CRYGN: variants seen among roughly 807,000 people sequenced by gnomAD.
CRYGN encodes the protein crystallin gamma N, also known as gamma-crystallin N.
Under a neutral mutation model 19.2 loss-of-function variants are expected in CRYGN, and 17 were observed. The observed-to-expected ratio is 0.89, with a 90% CI of 0.61 to 1.33. CRYGN has a LOEUF of 1.33. CRYGN is among the 40% of genes most tolerant of loss of function. The pLI, the probability that CRYGN is intolerant of heterozygous loss-of-function variation, is 0.00. For synonymous variants in CRYGN, 84 were observed against 85.8 expected, an observed-to-expected ratio of 0.98 and a Z score of 0.12; for missense variants, 239 against 239.6, an observed-to-expected ratio of 1.00 and a Z score of 0.02.
At position 151,436,359 on chromosome 7, in the gene CRYGN, A is replaced by ACCC; in HGVS notation, c.271-35_271-34insGGG. The ACCC allele has an allele frequency of 6.1e-6, 9 of 1,474,918 alleles. No individual in the cohort carries two copies. Among genetic ancestry groups the ACCC allele is most frequent in the South Asian group, 1.4e-5 (1 of 71,092 alleles). 91.4% of individuals were successfully genotyped at this position (1,474,918 alleles called of 1,614,324 possible). A position where few individuals can be genotyped will look rare whatever the true frequency, so the allele number is the denominator to read the frequency against. ...CCAAGCAAAAAAGAAGGAAAGAAGG[A>ACCC]GGTTGCTGTGAATTCCCCTCTCCCA... On this transcript the variant is annotated intron_variant, in intron 2 of 3. Coordinates refer to ENST00000337323, the MANE Select transcript of CRYGN (RefSeq NM_144727.3). The surrounding 1 kb of genome is among the most constrained non-coding windows in gnomAD (Gnocchi z 5.1).
chr7:151,436,170 C>T lies in CRYGN; in HGVS notation c.416+10G>A, dbSNP rs761776500. 1.4e-6 allele frequency: 2 copies of T among 1,462,536 alleles called. No individual in the cohort carries two copies. The highest frequency in any genetic ancestry group is 1.8e-6 in the Non-Finnish European group (2 of 1,099,118). 90.6% of individuals were successfully genotyped at this position (1,462,536 alleles called of 1,614,324 possible). A position where few individuals can be genotyped will look rare whatever the true frequency, so the allele number is the denominator to read the frequency against. On this transcript the variant is annotated intron_variant, in intron 3 of 3. Transcript: ENST00000337323. This position sits in a 1 kb window ranked among gnomAD's most constrained non-coding sequence, Gnocchi z 5.1. ...GGGCCTCGGGGTGCGGCCACGTGGC[C>T]TGTACTCACGCTCCGTCCCCGTACA... is the stretch of plus-strand genomic sequence containing the variant.
At position 151,436,396 on chromosome 7, in the gene CRYGN, C is replaced by T; in HGVS notation, c.271-71G>A. 7.0e-7 allele frequency: 1 copy of T among 1,423,246 alleles called. No individual in the cohort carries two copies. Among genetic ancestry groups the T allele is most frequent in the African/African-American group, 1.5e-5 (1 of 68,746 alleles). 88.2% of individuals were successfully genotyped at this position (1,423,246 alleles called of 1,614,324 possible). On this transcript the variant is annotated intron_variant, in intron 2 of 3. Coordinates refer to ENST00000337323, the MANE Select transcript of CRYGN (RefSeq NM_144727.3). This position sits in a 1 kb window ranked among gnomAD's most constrained non-coding sequence, Gnocchi z 5.1. ...ATTCCCCTCTCCCAGAAACAGAAGC[C>T]CCATGCAGGAAGGAATTAGGAGGTA...
Position 151,430,139 on chromosome 7 carries a change from A to C in CRYGN, c.458T>G (p.Leu153Arg). Residue 153 changes from leucine to arginine, a missense_variant, in exon 4 of 4, where the codon CTG becomes CGG. Leu to Arg is a moderately radical substitution (Grantham distance 102). Coordinates refer to ENST00000337323, the MANE Select transcript of CRYGN (RefSeq NM_144727.3). The surrounding 1 kb of genome is among the most constrained non-coding windows in gnomAD (Gnocchi z 5.2). ...PRSFGAEDFQ[L>R]SSSLQSDQGP... ...TTGATCTGATTGAAGAGAGCTGCTC[A>C]GCTGGAAGTCCTCAGCTCCGAAGCT... The C allele has an allele frequency of 6.2e-7, 1 of 1,613,658 alleles. No individual in the cohort carries two copies. Among genetic ancestry groups the C allele is most frequent in the Non-Finnish European group, 8.5e-7 (1 of 1,179,552 alleles).
intron 3 of CRYGN, among the ~76,000 whole-genome samples, chr7:151,432,875 G>A (rs1234250319): frequency 6.6e-6 from 1 of 152,208 alleles, no homozygotes; most frequent in Non-Finnish European, 1.5e-5. Flanking sequence ...CCCAGCACCT[G>A]GTGGGGGGCC....
chr7:151,437,437 C>T (rs1801644013), intron 2 of CRYGN, among the ~76,000 whole-genome samples: 1 of 152,254 alleles, frequency 6.6e-6, no homozygotes, highest in Non-Finnish European at 1.5e-5. Flanking sequence ...CCGAAACAGT[C>T]TTTCGCCACC....
chr7:151,430,213 G>A lies in CRYGN; in HGVS notation c.417-33C>T. The A allele has an allele frequency of 6.2e-7, 1 of 1,611,784 alleles. No homozygotes were observed. The highest frequency in any genetic ancestry group is 1.1e-5 in the South Asian group (1 of 90,974). ...TTGCAGGTGAAAGGAGGTGGGGCCA[G>A]GGCATTAGGGGTACAGAGCAGGCCT... On this transcript the variant is annotated intron_variant, in intron 3 of 3. Transcript: ENST00000337323. This position sits in a 1 kb window ranked among gnomAD's most constrained non-coding sequence, Gnocchi z 5.2.
At chr7:151,432,757 T>C (rs1584822848) in intron 3 of CRYGN, among the ~76,000 whole-genome samples, 1 of 152,142 alleles carries the variant, frequency 6.6e-6, no homozygotes, top group Non-Finnish European at 1.5e-5. Context: ...TGAGCCGAGA[T>C]TGCGCCACTG....
chr7:151,433,028 G>A lies in CRYGN; in HGVS notation c.417-2848C>T, dbSNP rs1202853626. ...CCCTCACGGGGCCTCCCCTGCAGAG[G>A]AAATGGGCTGTGGGGGTGCAGTTGC... is the stretch of plus-strand genomic sequence containing the variant. On this transcript the variant is annotated intron_variant, in intron 3 of 3. Coordinates refer to ENST00000337323, the MANE Select transcript of CRYGN (RefSeq NM_144727.3). The surrounding 1 kb of genome is among the most constrained non-coding windows in gnomAD (Gnocchi z 5.1). 2.6e-5 allele frequency among the ~76,000 whole-genome samples: 4 copies of A among 152,256 alleles called. No homozygotes were observed. Among genetic ancestry groups the A allele is most frequent in the African/African-American group, 7.2e-5 (3 of 41,478 alleles).
At chr7:151,437,817 A>G in intron 2 of CRYGN, 179 bp downstream of exon 2, 1 of 1,476,334 alleles carries the variant, frequency 6.8e-7, no homozygotes, top group Non-Finnish European at 9.0e-7. Context: ...GTTCATAGCA[A>G]CTTGGCCCCC....
rs963545439 is a variant in CRYGN, at chr7:151,431,986, C to A, written c.417-1806G>T. On this transcript the variant is annotated intron_variant, in intron 3 of 3. Transcript: ENST00000337323. The surrounding 1 kb of genome is among the most constrained non-coding windows in gnomAD (Gnocchi z 4.8). ...GTCCGGGAAAGCGCCCTGGATCATC[C>A]AGCTCCTCCCAGGGCTGGGATGCCC... The A allele has an allele frequency of 5.1e-6, 2 of 389,228 alleles. No homozygotes were observed. The highest frequency in any genetic ancestry group is 4.1e-5 in the African/African-American group (2 of 48,370). The allele number at this position is 389,228 out of a possible 1,614,324, so 24.1% of individuals were successfully genotyped here. A position where few individuals can be genotyped will look rare whatever the true frequency, so the allele number is the denominator to read the frequency against.
chr7:151,432,236 C>T (rs1476016987), intron 3 of CRYGN: 1 of 1,232,106 alleles, frequency 8.1e-7, no homozygotes. Context: ...TCGCCACTCT[C>T]CACCACGTAC....
Position 151,429,648 on chromosome 7 carries a change from G to C in CRYGN, c.*400C>G, listed in dbSNP as rs947326842. 2.1e-5 allele frequency: 6 copies of C among 286,694 alleles called. No homozygotes were observed. The South Asian group carries it at 2.2e-4, about 11-fold the overall frequency. 17.8% of individuals were successfully genotyped at this position (286,694 alleles called of 1,614,324 possible). A position where few individuals can be genotyped will look rare whatever the true frequency, so the allele number is the denominator to read the frequency against. ...GCTGGCTCTCCTCAACTGTACAGTG[G>C]TGATAAGCATATCATCTTGGCATTA... is the stretch of plus-strand genomic sequence containing the variant. On this transcript the variant is annotated 3_prime_UTR_variant, in exon 4 of 4. Transcript: ENST00000337323.
At chr7:151,437,886 C>T (rs142668700) in intron 2 of CRYGN, 110 bp downstream of exon 2, 2 of 1,571,440 alleles carry the variant, frequency 1.3e-6, no homozygotes, top group East Asian at 2.3e-5. Flanking sequence ...GTCTTACAGA[C>T]TTTAAAGCCG....
chr7:151,437,570 C>T (rs1801648612), intron 2 of CRYGN, among the ~76,000 whole-genome samples: 1 of 152,206 alleles, frequency 6.6e-6, no homozygotes, highest in African/African-American at 2.4e-5. Flanking sequence ...TCAGCTTCCT[C>T]CATCAGCCAT....
Position 151,430,305 on chromosome 7 carries a change from T to G in CRYGN, c.417-125A>C. The G allele has an allele frequency of 1.1e-6, 1 of 911,462 alleles. No homozygotes were observed. The highest frequency in any genetic ancestry group is 1.7e-6 in the Non-Finnish European group (1 of 604,162). 56.5% of individuals were successfully genotyped at this position (911,462 alleles called of 1,614,324 possible). ...CCCTTTCCTGGGCGGAGTGGACGGT[T>G]GCCTAGTGGTTTCATGTCTTCATTT... On this transcript the variant is annotated intron_variant, in intron 3 of 3. Coordinates refer to ENST00000337323, the MANE Select transcript of CRYGN (RefSeq NM_144727.3). The surrounding 1 kb of genome is among the most constrained non-coding windows in gnomAD (Gnocchi z 5.2).
At chr7:151,440,190 T>C, upstream of CRYGN, 1 of 1,017,160 alleles carries the variant, frequency 9.8e-7, no homozygotes, top group Non-Finnish European at 1.3e-6. Flanking sequence ...AGCCCGCGGC[T>C]GCCCCTGCCC....
At position 151,436,967 on chromosome 7, in the gene CRYGN, C is replaced by A. The variant is rs1338697428; in HGVS notation, c.271-642G>T. ...TCAGAAGCCGGCAGGGCCTGGTCTG[C>A]GTCACAGCTGGCCCCAGGCTAGCTC... On this transcript the variant is annotated intron_variant, in intron 2 of 3. Coordinates refer to ENST00000337323, the MANE Select transcript of CRYGN (RefSeq NM_144727.3). The surrounding 1 kb of genome is among the most constrained non-coding windows in gnomAD (Gnocchi z 5.1). 1 of 152,076 alleles carries A rather than the reference C, an allele frequency of 6.6e-6. No individual in the cohort carries two copies. The highest frequency in any genetic ancestry group is 1.5e-5 in the Non-Finnish European group (1 of 68,028). 9.4% of individuals were successfully genotyped at this position (152,076 alleles called of 1,614,324 possible).
chr7:151,439,922 C>G lies in CRYGN; in HGVS notation c.-5G>C. On this transcript the variant is annotated 5_prime_UTR_variant, in exon 1 of 4. Coordinates refer to ENST00000337323, the MANE Select transcript of CRYGN (RefSeq NM_144727.3). ...CTTCCCCGAGCGCTGCGCCATGGTG[C>G]GCCCCGCCCCTTCCGCGGGTCCCCG... The G allele has an allele frequency of 6.5e-7, 1 of 1,542,302 alleles. No individual in the cohort carries two copies. Among genetic ancestry groups the G allele is most frequent in the Non-Finnish European group, 8.7e-7 (1 of 1,145,268 alleles).
chr7:151,437,567 C>A, intron 2 of CRYGN, among the ~76,000 whole-genome samples: 1 of 152,188 alleles, frequency 6.6e-6, no homozygotes. Context: ...TCTTCAGCTT[C>A]CTCCATCAGC....
Sources: gnomAD v4.1 joint callset for allele counts (sites outside exome capture counted in the v4.1 genomes callset) on GRCh38, gnomAD v4.1.1 for gene constraint, Gnocchi (gnomAD v3.1) non-coding constraint, MANE v1.5 for transcripts, NCBI Gene and HGNC (gene_info 2026-07-23, HGNC 2026-07-21) for gene names.